The following ZBTB8A variants were observed in gnomAD, a reference collection of about 807,000 sequenced individuals.
ZBTB8A encodes the protein zinc finger and BTB domain containing 8A.
In ZBTB8A, 19 loss-of-function variants were observed where a neutral mutation model predicts 37.8. The ratio of observed to expected loss-of-function variants is 0.50; its 90% CI spans 0.35 to 0.74. ZBTB8A has a LOEUF of 0.74. ZBTB8A is among the 30% of genes least tolerant of loss of function. The pLI, the probability that ZBTB8A is intolerant of heterozygous loss-of-function variation, is 0.01. For synonymous variants in ZBTB8A, 181 were observed against 185.2 expected (o/e 0.98, Z 0.19); for missense variants, 394 against 537.8 (o/e 0.73, Z 2.65).
chr1:32,550,535 G>C (rs1258624875), intron 1 of ZBTB8A, among the ~76,000 whole-genome samples: 2 of 152,172 alleles, frequency 1.3e-5, no homozygotes, highest in Non-Finnish European at 2.9e-5. Context: ...GCAAGCATCA[G>C]CTCCCTTGAA....
intron 2 of ZBTB8A, among the ~76,000 whole-genome samples, chr1:32,572,444 G>A (rs1195479645): frequency 6.6e-6 from 1 of 150,588 alleles, no homozygotes; most frequent in Non-Finnish European, 1.5e-5. Context: ...TACCCAGGCT[G>A]GAGTACAGTG....
chr1:32,578,569 A>T (rs1044996241), intron 2 of ZBTB8A, among the ~76,000 whole-genome samples: 25 of 152,004 alleles, frequency 1.6e-4, no homozygotes, highest in Non-Finnish European at 2.5e-4. Context: ...GTTCATTTTT[A>T]AAAAAATCTT....
chr1:32,542,733 C>G (rs1248517831), intron 1 of ZBTB8A, among the ~76,000 whole-genome samples: 1 of 152,136 alleles, frequency 6.6e-6, no homozygotes, highest in Non-Finnish European at 1.5e-5. Context: ...TCCCAACCAC[C>G]TTTTTAAAGA....
At chr1:32,549,186 T>TCAAAACAAAA (rs758734846) in intron 1 of ZBTB8A, among the ~76,000 whole-genome samples, 4 of 148,786 alleles carry the variant, frequency 2.7e-5, no homozygotes, top group African/African-American at 7.5e-5. Flanking sequence ...AGACTCTGTC[T>TCAAAACAAAA]CAAAACAAAA....
At chr1:32,573,864 C>T (rs1051175682) in intron 2 of ZBTB8A, among the ~76,000 whole-genome samples, 29 of 148,248 alleles carry the variant, frequency 2.0e-4, no homozygotes, top group African/African-American at 5.0e-4. Flanking sequence ...CACCTGAGGT[C>T]GGGAGTTCGA....
At chr1:32,580,296 G>A (rs1246749671) in intron 2 of ZBTB8A, among the ~76,000 whole-genome samples, 1 of 152,092 alleles carries the variant, frequency 6.6e-6, no homozygotes, top group Non-Finnish European at 1.5e-5. Flanking sequence ...GCTCATGCCT[G>A]TATATAATCC....
At chr1:32,568,577 G>A (rs1038956896) in intron 2 of ZBTB8A, among the ~76,000 whole-genome samples, 54 of 152,014 alleles carry the variant, frequency 3.6e-4, no homozygotes, top group Admixed American at 9.2e-4. Flanking sequence ...TAGTAGAGAC[G>A]GGGTTTCACC....
chr1:32,593,541 A>T lies in ZBTB8A; in HGVS notation c.610A>T (p.Lys204Ter). 1 of 1,614,236 alleles carries T rather than the reference A, an allele frequency of 6.2e-7. No homozygotes were observed. The change falls in exon 3 of 5, where the codon AAA (lysine) becomes TAA (stop). Residue 204 changes from lysine (K) to a stop codon, truncating the protein, a stop_gained. Coordinates refer to ENST00000373510, the MANE Select transcript of ZBTB8A (RefSeq NM_001040441.3). LOFTEE classifies it high-confidence loss of function. ...ACCCTTGGCCAAGCATGAACCAAGGAAAGAGTCCATTAAAAAGACCAAACA... is the reference window on the plus strand; with the variant it reads ...ACCCTTGGCCAAGCATGAACCAAGGTAAGAGTCCATTAAAAAGACCAAACA... ...QQPLAKHEPR[K>*]ESIKKTKHLR...
rs766687095 is a variant in ZBTB8A at position 32,595,246 on chromosome 1, G to A, written c.993+23G>A. 9 of 1,596,294 alleles carry A rather than the reference G, an allele frequency of 5.6e-6. No individual in the cohort carries two copies. In the South Asian group the frequency reaches 6.8e-5, roughly 12 times the overall value. ...ACAGTATGTATGATTTTTTTTCATC[G>A]TTTTACTAATTCTTTTTTGGTTTTT... On this transcript the variant is annotated intron_variant, in intron 4 of 4. Transcript: ENST00000373510.
chr1:32,599,609 C>T (rs1644559748), intron 4 of ZBTB8A, among the ~76,000 whole-genome samples: 1 of 151,926 alleles, frequency 6.6e-6, no homozygotes. Flanking sequence ...ACCAGCTACT[C>T]AGGAGGCTGA....
At position 32,588,583 on chromosome 1, in the gene ZBTB8A, A is replaced by C. The variant is rs188138340; in HGVS notation, c.-1-4348A>C. On this transcript the variant is annotated intron_variant, in intron 2 of 4. Coordinates refer to ENST00000373510, the MANE Select transcript of ZBTB8A (RefSeq NM_001040441.3). ...ATGAAGGGGTAGTGTCCTGGTGGTCAAATGAAGAAAGTGTTTTAGGATGAA... is the reference window on the plus strand; with the variant it reads ...ATGAAGGGGTAGTGTCCTGGTGGTCCAATGAAGAAAGTGTTTTAGGATGAA... 5.0e-3 allele frequency among the ~76,000 whole-genome samples: 760 copies of C among 152,176 alleles called. 8 individuals are homozygous for C. The highest frequency in any genetic ancestry group is 3.7e-3 in the Non-Finnish European group (252 of 68,028).
intron 4 of ZBTB8A, among the ~76,000 whole-genome samples, chr1:32,596,940 T>C (rs1222110827): frequency 6.6e-6 from 1 of 152,152 alleles, no homozygotes; most frequent in African/African-American, 2.4e-5. Context: ...ACTGAATCCT[T>C]GTCTGGTAGG....
chr1:32,584,508 C>CTTT (rs1177778440), intron 2 of ZBTB8A, among the ~76,000 whole-genome samples: 92 of 117,846 alleles, frequency 7.8e-4, no homozygotes, highest in Non-Finnish European at 1.1e-3. Context: ...TTCTTTCTTT[C>CTTT]TTTTTTTTTT....
intron 1 of ZBTB8A, among the ~76,000 whole-genome samples, chr1:32,540,438 AATT>A (rs1176609225): frequency 6.6e-6 from 1 of 152,100 alleles, no homozygotes; most frequent in Non-Finnish European, 1.5e-5. Context: ...CACCTATATG[AATT>A]ATTTCACTTA....
At chr1:32,554,286 C>G (rs1644182057) in intron 2 of ZBTB8A, among the ~76,000 whole-genome samples, 1 of 148,420 alleles carries the variant, frequency 6.7e-6, no homozygotes, top group East Asian at 2.0e-4. Flanking sequence ...AATTCACTGT[C>G]TAAGATGTTC....
chr1:32,567,825 A>ACAAAAAC (rs1644293981), intron 2 of ZBTB8A, among the ~76,000 whole-genome samples: 1 of 63,676 alleles, frequency 1.6e-5, no homozygotes, highest in Non-Finnish European at 2.7e-5. Context: ...AAAAAAAAAC[A>ACAAAAAC]AAAACAAAAC....
chr1:32,583,380 C>CAAAA lies in ZBTB8A; in HGVS notation c.-1-9535_-1-9532dup, dbSNP rs372221611. Among the ~76,000 whole-genome samples the CAAAA allele has an allele frequency of 1.4e-3, 92 of 68,112 alleles. 1 individual carries two copies. The highest frequency in any genetic ancestry group is 4.3e-3 in the African/African-American group (84 of 19,496). 44.7% of individuals were successfully genotyped at this position (68,112 alleles called of 152,430 possible). On this transcript the variant is annotated intron_variant, in intron 2 of 4. Coordinates refer to ENST00000373510, the MANE Select transcript of ZBTB8A (RefSeq NM_001040441.3). ...TGGGTGACAGAGTGAGACCCTGTCT[C>CAAAA]AAAAAAAAAAAAAAAAAAAGTCAGG... is the stretch of plus-strand genomic sequence containing the variant.
At chr1:32,595,458 G>A (rs1432609225) in intron 4 of ZBTB8A, among the ~76,000 whole-genome samples, 2 of 151,700 alleles carry the variant, frequency 1.3e-5, no homozygotes, top group East Asian at 3.9e-4. Context: ...GTAGAGATGG[G>A]GTTTCACCAC....
At chr1:32,576,822 C>T (rs761634747) in intron 2 of ZBTB8A, among the ~76,000 whole-genome samples, 1 of 151,964 alleles carries the variant, frequency 6.6e-6, no homozygotes, top group Non-Finnish European at 1.5e-5. Flanking sequence ...ACCTTGGCCT[C>T]TCAAAGTGCT....
Sources: allele counts gnomAD v4.1 joint callset (sites outside exome capture counted in the v4.1 genomes callset), GRCh38; gene constraint gnomAD v4.1.1; transcripts MANE v1.5; gene names NCBI Gene and HGNC (gene_info 2026-07-23, HGNC 2026-07-21).